The following ATP2B4 variants were observed in gnomAD, a reference collection of about 807,000 sequenced individuals.
ATP2B4 encodes the protein ATPase plasma membrane Ca2+ transporting 4.
ATP2B4 carries 39 observed loss-of-function variants against 110.3 expected under a neutral mutation model. That is an observed-to-expected ratio of 0.35 (90% confidence interval 0.27 to 0.46). The LOEUF (loss-of-function observed/expected upper bound fraction) is 0.46, where lower values mean the gene tolerates loss of function less well. ATP2B4 is among the 20% of genes least tolerant of loss of function. The pLI, the probability that ATP2B4 is intolerant of heterozygous loss-of-function variation, is 1.00. For missense variants in ATP2B4, 1,135 were observed against 1,530.9 expected (o/e 0.74, Z 4.32); for synonymous variants, 538 against 571.7 (o/e 0.94, Z 0.84).
At chr1:203,639,467 G>C (rs1288859556) in intron 1 of ATP2B4, among the ~76,000 whole-genome samples, 2 of 152,278 alleles carry the variant, frequency 1.3e-5, no homozygotes, top group East Asian at 3.9e-4. Context: ...CCCGCTTGTT[G>C]GTAGTGCTCT....
intron 1 of ATP2B4, among the ~76,000 whole-genome samples, chr1:203,648,147 T>C (rs901114471): frequency 1.3e-5 from 2 of 152,154 alleles, no homozygotes; most frequent in African/African-American, 4.8e-5. Flanking sequence ...TGGCTCCTGC[T>C]GGTGATTTGG....
chr1:203,713,421 G>C (rs1267320640), intron 14 of ATP2B4, among the ~76,000 whole-genome samples, 169 bp downstream of exon 14: 2 of 152,108 alleles, frequency 1.3e-5, no homozygotes, highest in African/African-American at 4.8e-5. Context: ...AGCCCTTGGT[G>C]AGTATGACAC....
At chr1:203,730,275 T>G (rs931275522) in intron 20 of ATP2B4, among the ~76,000 whole-genome samples, 2 of 149,880 alleles carry the variant, frequency 1.3e-5, no homozygotes, top group African/African-American at 4.9e-5. Context: ...AAGGGCTAGG[T>G]AGGGAAACGC....
chr1:203,641,783 C>T (rs1046168781), intron 1 of ATP2B4, among the ~76,000 whole-genome samples: 5 of 152,124 alleles, frequency 3.3e-5, no homozygotes, highest in African/African-American at 4.8e-5. Flanking sequence ...CCAAAGCTCA[C>T]GGCCCTTCTA....
Position 203,741,394 on chromosome 1 carries a change from T to C in ATP2B4, c.*1540T>C, listed in dbSNP as rs1400090426. On this transcript the variant is annotated 3_prime_UTR_variant, in exon 21 of 21. Transcript: ENST00000357681. ...AGTTGGGGACTTTGCTAGGAGATTT[T>C]TTAAGTGTTCCTTACTGGGACAACG... 6.6e-6 allele frequency: 1 copy of C among 152,628 alleles called. No individual in the cohort carries two copies. The highest frequency in any genetic ancestry group is 6.5e-5 in the Admixed American group (1 of 15,270). 9.5% of individuals were successfully genotyped at this position (152,628 alleles called of 1,614,324 possible). A position where few individuals can be genotyped will look rare whatever the true frequency, so the allele number is the denominator to read the frequency against.
At chr1:203,686,681 CTTTCTTTTTT>C (rs1665192370) in intron 2 of ATP2B4, among the ~76,000 whole-genome samples, 1 of 30,424 alleles carries the variant, frequency 3.3e-5, no homozygotes, top group Non-Finnish European at 7.0e-5. Context: ...TCTTTCTTTT[CTTTCTTTTTT>C]TTTTTTTTTT....
At chr1:203,738,909 A>G (rs1251753393) in intron 20 of ATP2B4, among the ~76,000 whole-genome samples, 1 of 152,198 alleles carries the variant, frequency 6.6e-6, no homozygotes, top group Admixed American at 6.5e-5. Context: ...CCTGGCTGAA[A>G]GGGCAAATTA....
chr1:203,641,291 T>G (rs1663621779), intron 1 of ATP2B4, among the ~76,000 whole-genome samples: 1 of 152,214 alleles, frequency 6.6e-6, no homozygotes, highest in African/African-American at 2.4e-5. Context: ...CGCCAACAGA[T>G]GCTGATTCCA....
At chr1:203,682,070 C>T (rs1166949603) in intron 1 of ATP2B4, among the ~76,000 whole-genome samples, 2 of 152,128 alleles carry the variant, frequency 1.3e-5, no homozygotes, top group Admixed American at 6.5e-5. Context: ...GACACCTGCA[C>T]GGGCTGCAGA....
chr1:203,724,996 G>C (rs1666466138), intron 19 of ATP2B4, among the ~76,000 whole-genome samples: 1 of 148,446 alleles, frequency 6.7e-6, no homozygotes. Context: ...TCCTGCCTCA[G>C]CCTCCCAAGT....
intron 20 of ATP2B4, among the ~76,000 whole-genome samples, chr1:203,736,584 A>G (rs938875317): frequency 2.0e-5 from 3 of 152,130 alleles, no homozygotes; most frequent in African/African-American, 7.2e-5. Context: ...CTGAGTCATG[A>G]AAAGAGTTGC....
chr1:203,664,994 G>C (rs891384146), intron 1 of ATP2B4, among the ~76,000 whole-genome samples: 1 of 152,108 alleles, frequency 6.6e-6, no homozygotes. Flanking sequence ...ACCGCGCCTG[G>C]CTAATTTTTT....
Position 203,662,623 on chromosome 1 carries a change from G to C in ATP2B4, c.-464-20119G>C, listed in dbSNP as rs536387457. Among the ~76,000 whole-genome samples, 19 of 152,294 alleles carry C rather than the reference G, an allele frequency of 1.2e-4. 1 individual carries two copies. The East Asian group carries it at 3.5e-3, about 28-fold the overall frequency. ...AGCATAATGTTTTCAAGGTTCATCC[G>C]TGTGGCAGCATGTGTCAGAACATCC... On this transcript the variant is annotated intron_variant, in intron 1 of 20. Transcript: ENST00000357681.
intron 1 of ATP2B4, among the ~76,000 whole-genome samples, chr1:203,643,959 G>A (rs186044025): frequency 5.9e-5 from 9 of 152,152 alleles, no homozygotes; most frequent in Non-Finnish European, 1.3e-4. Flanking sequence ...AGTAAAGAAC[G>A]GATAGATGGG....
At chr1:203,717,566 A>G (rs1185432312) in intron 15 of ATP2B4, among the ~76,000 whole-genome samples, 1 of 151,742 alleles carries the variant, frequency 6.6e-6, no homozygotes, top group African/African-American at 2.4e-5. Context: ...TTTATCCTGG[A>G]TAGGAGATAG....
chr1:203,711,414 A>G (rs191391232), intron 12 of ATP2B4, among the ~76,000 whole-genome samples: 219 of 152,296 alleles, frequency 1.4e-3, no homozygotes, highest in Non-Finnish European at 1.9e-3. Flanking sequence ...TTCAATCAAC[A>G]CATTCTTTTT....
chr1:203,663,755 C>T (rs1406567255), intron 1 of ATP2B4, among the ~76,000 whole-genome samples: 3 of 152,132 alleles, frequency 2.0e-5, no homozygotes, highest in African/African-American at 7.2e-5. Context: ...CAGGCACATG[C>T]TACCACACCC....
At chr1:203,690,108 A>G (rs1023086925) in intron 2 of ATP2B4, among the ~76,000 whole-genome samples, 1 of 152,188 alleles carries the variant, frequency 6.6e-6, no homozygotes, top group African/African-American at 2.4e-5. Flanking sequence ...GGCCAACCCA[A>G]ATTACAATTT....
At chr1:203,643,229 A>G (rs572637892) in intron 1 of ATP2B4, among the ~76,000 whole-genome samples, 4 of 152,274 alleles carry the variant, frequency 2.6e-5, no homozygotes, top group Admixed American at 2.6e-4. Context: ...AGTGGAGGGT[A>G]GAGAGCTGCA....
Sources: allele counts gnomAD v4.1 joint callset (sites outside exome capture counted in the v4.1 genomes callset), GRCh38; gene constraint gnomAD v4.1.1; transcripts MANE v1.5; gene names NCBI Gene and HGNC (gene_info 2026-07-23, HGNC 2026-07-21).